Variants in VWA8 observed in about 807,000 individuals in gnomAD.
The protein encoded by VWA8 is von Willebrand factor A domain containing 8.
In VWA8, 221 loss-of-function variants were observed where a neutral mutation model predicts 241.5. The observed-to-expected ratio is 0.91, with a 90% CI of 0.82 to 1.02. The LOEUF is 1.02. VWA8 is among the 50% of genes least tolerant of loss of function. VWA8 has a pLI of 0.00. For missense variants in VWA8, 2,322 were observed against 2,328.7 expected, an observed-to-expected ratio of 1.00 and a Z score of 0.06; for synonymous variants, 852 against 827.1, an observed-to-expected ratio of 1.03 and a Z score of -0.52.
intron 42 of VWA8, among the ~76,000 whole-genome samples, chr13:41,583,382 G>A (rs566174784): frequency 1.1e-4 from 16 of 152,216 alleles, no homozygotes; most frequent in South Asian, 4.2e-4. Flanking sequence ...GGTGGCTCAC[G>A]CCTGTAATCC....
At chr13:41,711,639 C>T (rs12860994) in intron 26 of VWA8, among the ~76,000 whole-genome samples, 2,459 of 152,262 alleles carry the variant, frequency 0.016, 34 homozygotes, top group African/African-American at 0.045. Flanking sequence ...CTTTGGGAGG[C>T]CAAGGCGGGC....
chr13:41,693,102 A>T, intron 29 of VWA8, 130 bp from the exon 30 acceptor site: 2 of 578,732 alleles, frequency 3.5e-6, no homozygotes, highest in Non-Finnish European at 3.0e-6. Flanking sequence ...ATATTGTAAT[A>T]CTTAAGAAAT....
intron 35 of VWA8, among the ~76,000 whole-genome samples, chr13:41,681,587 G>A (rs1420469672): frequency 3.9e-5 from 6 of 152,218 alleles, no homozygotes; most frequent in Admixed American, 2.6e-4. Flanking sequence ...AAGTGAAGGA[G>A]ATGAGAACAC....
intron 37 of VWA8, among the ~76,000 whole-genome samples, chr13:41,617,467 GAC>G (rs1245034444): frequency 6.6e-6 from 1 of 151,932 alleles, no homozygotes; most frequent in Non-Finnish European, 1.5e-5. Flanking sequence ...TAATCATAAA[GAC>G]ACAATTTATT....
chr13:41,882,552 A>G lies in VWA8; in HGVS notation c.1080+835T>C, dbSNP rs1415982362. Among the ~76,000 whole-genome samples the G allele has an allele frequency of 4.1e-4, 63 of 152,258 alleles. 1 individual carries two copies. The highest frequency in any genetic ancestry group is 1.3e-3 in the African/African-American group (54 of 41,494). ...TGAACCAGACTCCGTCTGCAATCCC[A>G]GCACCCCGGGAGGCCAAGGCTGGCG... On this transcript the variant is annotated intron_variant, in intron 9 of 44. Transcript: ENST00000379310.
At chr13:41,671,563 T>G (rs2045024375) in intron 36 of VWA8, among the ~76,000 whole-genome samples, 1 of 151,340 alleles carries the variant, frequency 6.6e-6, no homozygotes, top group Non-Finnish European at 1.5e-5. Flanking sequence ...CCCGCCAAAT[T>G]CATATGTTGA....
chr13:41,852,699 A>AT (rs1872574079), intron 12 of VWA8, among the ~76,000 whole-genome samples: 1 of 152,098 alleles, frequency 6.6e-6, no homozygotes, highest in South Asian at 2.1e-4. Context: ...TCCCAGTACT[A>AT]TTTATTGAAA....
rs138316585 is a variant in VWA8 at position 41,803,320 on chromosome 13, C to T, written c.2063+7905G>A. Among the ~76,000 whole-genome samples, 145 of 152,294 alleles carry T rather than the reference C, an allele frequency of 9.5e-4. 1 individual carries two copies. In the Middle Eastern group the frequency reaches 0.01, roughly 11 times the overall value. The stretch of plus-strand genomic sequence containing the variant: ...TCCAGGAAAACATGACCTTACCAAA[C>T]AATCAAATAAGGCACCGGTGACCAA... On this transcript the variant is annotated intron_variant, in intron 17 of 44. Transcript: ENST00000379310.
chr13:41,814,304 T>C (rs892757082), intron 16 of VWA8, among the ~76,000 whole-genome samples: 2 of 152,152 alleles, frequency 1.3e-5, no homozygotes, highest in African/African-American at 4.8e-5. Flanking sequence ...CTTGCAAATA[T>C]ATGTCAAGTG....
chr13:41,837,149 G>T (rs189332960), intron 12 of VWA8, among the ~76,000 whole-genome samples: 2 of 152,108 alleles, frequency 1.3e-5, no homozygotes, highest in Middle Eastern at 3.4e-3. Context: ...TGAACTCCTG[G>T]CCTCCAGCAA....
chr13:41,615,076 G>A lies in VWA8; in HGVS notation c.4620C>T (p.Ile1540=). The stretch of plus-strand genomic sequence containing the variant: ...TTACATCTTCACCACTGTCTCTGTT[G>A]ATTGTTATCTAAAAATGAACAATTG... ...GQDDRNMQIT[I]NRDSGEDVSS... is the part of the protein sequence containing the mutation. Residue 1540 remains isoleucine, a synonymous_variant, in exon 38 of 45, where the codon ATC becomes ATT. Coordinates refer to ENST00000379310, the MANE Select transcript of VWA8 (RefSeq NM_015058.2). 6.2e-7 allele frequency: 1 copy of A among 1,613,824 alleles called. No individual in the cohort carries two copies. The highest frequency in any genetic ancestry group is 8.5e-7 in the Non-Finnish European group (1 of 1,179,874).
At chr13:41,862,171 G>A (rs1833284653) in intron 12 of VWA8, among the ~76,000 whole-genome samples, 2 of 152,120 alleles carry the variant, frequency 1.3e-5, no homozygotes, top group African/African-American at 4.8e-5. Context: ...ATCTTTGACA[G>A]AGTCAACAAT....
chr13:41,721,495 C>T lies in VWA8; in HGVS notation c.2839G>A (p.Val947Met), dbSNP rs780449711. The T allele has an allele frequency of 6.2e-6, 10 of 1,613,936 alleles. No individual in the cohort carries two copies. Among genetic ancestry groups the T allele is most frequent in the South Asian group, 3.3e-5 (3 of 91,072 alleles). Residue 947 changes from valine (V) to methionine (M), a missense_variant, in exon 25 of 45, where the codon GTG (valine) becomes ATG (methionine). Transcript: ENST00000379310. ...LEMLRQYGPN[V>M]PEPILQKLVA... ...AGCTTCTGAAGGATGGGCTCAGGCACATTTGGTCCATACTGTCTGAGCATC... is the reference window on the plus strand; with the variant it reads ...AGCTTCTGAAGGATGGGCTCAGGCATATTTGGTCCATACTGTCTGAGCATC...
intron 41 of VWA8, among the ~76,000 whole-genome samples, chr13:41,589,695 A>T (rs1041229489): frequency 6.6e-6 from 1 of 152,176 alleles, no homozygotes; most frequent in African/African-American, 2.4e-5. Flanking sequence ...CTGAGTTTTC[A>T]TCAACTGAAC....
chr13:41,618,382 T>C (rs1342370032), intron 37 of VWA8, among the ~76,000 whole-genome samples: 2 of 152,250 alleles, frequency 1.3e-5, no homozygotes, highest in Non-Finnish European at 2.9e-5. Flanking sequence ...TAGCCCTTTG[T>C]CAGATGGGTA....
chr13:41,816,578 A>G, intron 16 of VWA8, 120 bp downstream of exon 16: 2 of 900,730 alleles, frequency 2.2e-6, no homozygotes, highest in Non-Finnish European at 3.4e-6. Context: ...GGCATAGCAT[A>G]AGGGATTCCA....
At chr13:41,920,977 C>G (rs1227662991) in intron 2 of VWA8, among the ~76,000 whole-genome samples, 5 of 152,022 alleles carry the variant, frequency 3.3e-5, no homozygotes, top group Non-Finnish European at 7.4e-5. Context: ...GCAGAGAACA[C>G]AAGAAAAAAA....
intron 2 of VWA8, among the ~76,000 whole-genome samples, chr13:41,927,602 T>G (rs1287238244): frequency 1.4e-5 from 2 of 148,128 alleles, no homozygotes; most frequent in African/African-American, 4.9e-5. Flanking sequence ...AACAAAAAAG[T>G]ATAGCAGATA....
At chr13:41,840,337 T>G (rs912628586) in intron 12 of VWA8, among the ~76,000 whole-genome samples, 5 of 151,842 alleles carry the variant, frequency 3.3e-5, no homozygotes, top group Admixed American at 1.3e-4. Context: ...AGAGGAGGGA[T>G]AGCATTAGGA....
Sources: gnomAD v4.1 joint callset for allele counts (sites outside exome capture counted in the v4.1 genomes callset) on GRCh38, gnomAD v4.1.1 for gene constraint, MANE v1.5 for transcripts, NCBI Gene and HGNC (gene_info 2026-07-23, HGNC 2026-07-21) for gene names.